Variants in ALDH1A2 observed in about 807,000 individuals in gnomAD.
The protein encoded by ALDH1A2 is retinal dehydrogenase 2.
A neutral mutation model predicts 60.3 loss-of-function variants in ALDH1A2; 27 were observed. The observed-to-expected ratio is 0.45, with a 90% confidence interval of 0.33 to 0.62. The LOEUF is 0.62. Ranked by LOEUF, ALDH1A2 falls within the 20% of genes least tolerant of loss-of-function variation. The pLI is 0.02. For missense variants in ALDH1A2, 581 were observed against 643.8 expected, an observed-to-expected ratio of 0.90 and a Z score of 1.06; for synonymous variants, 289 against 232.4, an observed-to-expected ratio of 1.24 and a Z score of -2.21.
intron 8 of ALDH1A2, among the ~76,000 whole-genome samples, 179 bp downstream of exon 8, chr15:57,965,546 A>C (rs1462904639): frequency 6.6e-6 from 1 of 152,216 alleles, no homozygotes; most frequent in Non-Finnish European, 1.5e-5. Context: ...CAACTGGTTC[A>C]GTCGTCAACT....
intron 1 of ALDH1A2, among the ~76,000 whole-genome samples, chr15:58,060,011 C>A (rs1369274167): frequency 6.6e-6 from 1 of 152,146 alleles, no homozygotes; most frequent in African/African-American, 2.4e-5. Context: ...CAACCTCTGC[C>A]TCCTGGGTTC....
chr15:58,050,833 A>C (rs1008209825), intron 1 of ALDH1A2, among the ~76,000 whole-genome samples: 1 of 152,186 alleles, frequency 6.6e-6, no homozygotes, highest in Non-Finnish European at 1.5e-5. Flanking sequence ...TTAGAAGTTA[A>C]TGTCTCAAAC....
intron 7 of ALDH1A2, among the ~76,000 whole-genome samples, chr15:57,981,323 C>CAG (rs1474075552): frequency 6.9e-6 from 1 of 145,138 alleles, no homozygotes; most frequent in Non-Finnish European, 1.5e-5. Flanking sequence ...CACACACACA[C>CAG]ACACAGACAC....
At chr15:57,979,687 T>TA in intron 7 of ALDH1A2, 1 of 233,086 alleles carries the variant, frequency 4.3e-6, no homozygotes. Context: ...GAAAGGGAGA[T>TA]AATGTGGGGA....
At chr15:57,997,913 T>G (rs1190322478) in intron 4 of ALDH1A2, among the ~76,000 whole-genome samples, 1 of 151,966 alleles carries the variant, frequency 6.6e-6, no homozygotes, top group Non-Finnish European at 1.5e-5. Context: ...AAATAAACGC[T>G]ATTTTTGTGC....
At chr15:58,006,887 T>G (rs1197349617) in intron 4 of ALDH1A2, among the ~76,000 whole-genome samples, 3 of 151,672 alleles carry the variant, frequency 2.0e-5, no homozygotes, top group African/African-American at 7.3e-5. Flanking sequence ...GTGTCCTTTT[T>G]TGTGGTCTGT....
chr15:57,960,093 C>A (rs1893671302), intron 12 of ALDH1A2, among the ~76,000 whole-genome samples: 1 of 152,196 alleles, frequency 6.6e-6, no homozygotes, highest in African/African-American at 2.4e-5. Flanking sequence ...CAGTGATCTT[C>A]CCTATCCCTG....
intron 4 of ALDH1A2, among the ~76,000 whole-genome samples, chr15:58,008,371 C>A (rs1372694203): frequency 6.6e-6 from 1 of 151,992 alleles, no homozygotes; most frequent in African/African-American, 2.4e-5. Context: ...CTTTTCTATG[C>A]CCTGTATTTA....
chr15:58,059,461 T>TA (rs1186652760), intron 1 of ALDH1A2, among the ~76,000 whole-genome samples: 1 of 152,208 alleles, frequency 6.6e-6, no homozygotes, highest in Admixed American at 6.5e-5. Context: ...TCTTCGTTTT[T>TA]AAATTATATA....
At position 58,024,559 on chromosome 15, in the gene ALDH1A2, C is replaced by T. The variant is rs1896022429; in HGVS notation, c.118-10278G>A. On this transcript the variant is annotated intron_variant, in intron 1 of 12. Coordinates refer to ENST00000249750, the MANE Select transcript of ALDH1A2 (RefSeq NM_003888.4). ...TATCAAACACTGGAGCACCCAGATT[C>T]ATAGAGCAAATATTACTAGATCTAA... Among the ~76,000 whole-genome samples, 7 of 152,180 alleles carry T rather than the reference C, an allele frequency of 4.6e-5. 1 individual carries two copies. In the South Asian group the frequency reaches 1.5e-3, roughly 32 times the overall value.
intron 1 of ALDH1A2, among the ~76,000 whole-genome samples, chr15:58,042,711 C>T (rs12591835): frequency 0.056 from 8,492 of 151,950 alleles, 281 homozygotes; most frequent in East Asian, 0.12. Flanking sequence ...TCATCCAGAA[C>T]ATGATTCTAG....
intron 1 of ALDH1A2, among the ~76,000 whole-genome samples, chr15:58,047,732 C>T (rs903629923): frequency 2.0e-5 from 3 of 151,904 alleles, no homozygotes; most frequent in Non-Finnish European, 4.4e-5. Flanking sequence ...GAAAAAACTT[C>T]TTCCTGAAAT....
chr15:58,062,489 A>G (rs1303154151), intron 1 of ALDH1A2, among the ~76,000 whole-genome samples: 1 of 152,242 alleles, frequency 6.6e-6, no homozygotes, highest in Non-Finnish European at 1.5e-5. Flanking sequence ...GTGTATTCCT[A>G]TAATATCAGT....
intron 7 of ALDH1A2, among the ~76,000 whole-genome samples, chr15:57,991,908 T>C (rs1435379610): frequency 2.6e-5 from 4 of 152,306 alleles, no homozygotes; most frequent in African/African-American, 7.2e-5. Context: ...ATCAGAGATA[T>C]TTGAGTAACA....
intron 1 of ALDH1A2, among the ~76,000 whole-genome samples, chr15:58,042,737 T>C (rs1442672022): frequency 6.6e-6 from 1 of 151,926 alleles, no homozygotes; most frequent in Non-Finnish European, 1.5e-5. Context: ...GACACTGTGG[T>C]CACCAAGACT....
At chr15:58,024,584 A>C (rs1203639660) in intron 1 of ALDH1A2, among the ~76,000 whole-genome samples, 2 of 152,196 alleles carry the variant, frequency 1.3e-5, no homozygotes, top group Non-Finnish European at 1.5e-5. Flanking sequence ...ACTAGATCTA[A>C]ATAGACAGAC....
chr15:57,962,967 C>G (rs1157159269), intron 9 of ALDH1A2, among the ~76,000 whole-genome samples: 1 of 152,166 alleles, frequency 6.6e-6, no homozygotes, highest in African/African-American at 2.4e-5. Context: ...TACGGTGAAC[C>G]TGCAGAGGAG....
intron 7 of ALDH1A2, among the ~76,000 whole-genome samples, chr15:57,970,134 C>A (rs1027957476): frequency 6.6e-6 from 1 of 152,210 alleles, no homozygotes; most frequent in Non-Finnish European, 1.5e-5. Context: ...GTTTTTCTTG[C>A]CTTATGAAGC....
chr15:58,055,892 C>CA (rs1209992831), intron 1 of ALDH1A2, among the ~76,000 whole-genome samples: 25 of 119,726 alleles, frequency 2.1e-4, no homozygotes, highest in African/African-American at 5.5e-4. Flanking sequence ...TAGAGTTATT[C>CA]AAAAAAAAGG....
Sources: allele counts gnomAD v4.1 joint callset (sites outside exome capture counted in the v4.1 genomes callset), GRCh38; gene constraint gnomAD v4.1.1; transcripts MANE v1.5; gene names NCBI Gene and HGNC (gene_info 2026-07-23, HGNC 2026-07-21).